TBC1D16: variants seen among roughly 807,000 people sequenced by gnomAD.
TBC1D16 encodes the protein CTD-2529O21.1.
TBC1D16 carries 58 observed loss-of-function variants against 74.7 expected under a neutral mutation model. The ratio of observed to expected loss-of-function variants is 0.78; its 90% confidence interval spans 0.63 to 0.97. TBC1D16 has a LOEUF of 0.97. Ranked by LOEUF, TBC1D16 falls within the 50% of genes least tolerant of loss-of-function variation. The probability of loss-of-function intolerance (pLI) is 0.00; values close to 1 mark genes in which losing one functional copy is unlikely to be tolerated. For missense variants in TBC1D16, 1,014 were observed against 1,079.5 expected (o/e 0.94, Z 0.85); for synonymous variants, 493 against 474.7 (o/e 1.04, Z -0.50).
Position 79,950,014 on chromosome 17 carries a change from G to T in TBC1D16, c.1258-149C>A. On this transcript the variant is annotated intron_variant, in intron 6 of 11. Transcript: ENST00000310924. This position sits in a 1 kb window ranked among gnomAD's most constrained non-coding sequence, Gnocchi z 4.6. ...ACATATTTACAAGGGGAAAGCAGTGGCCTTCAATTCCCATACAGGACACAA... is the reference window on the plus strand; with the variant it reads ...ACATATTTACAAGGGGAAAGCAGTGTCCTTCAATTCCCATACAGGACACAA... 1 of 1,051,806 alleles carries T rather than the reference G, an allele frequency of 9.5e-7. No individual in the cohort carries two copies. Among genetic ancestry groups the T allele is most frequent in the Non-Finnish European group, 1.4e-6 (1 of 739,680 alleles). The allele number at this position is 1,051,806 out of a possible 1,614,324, so 65.2% of individuals were successfully genotyped here.
At chr17:79,957,465 G>A (rs1185103610) in intron 3 of TBC1D16, among the ~76,000 whole-genome samples, 1 of 152,314 alleles carries the variant, frequency 6.6e-6, no homozygotes, top group Admixed American at 6.5e-5. Flanking sequence ...GCTGCACCCT[G>A]TGGGATTCCA....
At chr17:79,967,291 A>G (rs1348551560) in intron 3 of TBC1D16, among the ~76,000 whole-genome samples, 2 of 152,182 alleles carry the variant, frequency 1.3e-5, no homozygotes, top group African/African-American at 4.8e-5. Flanking sequence ...AATTTTAAAA[A>G]GGAAAAGGAA....
At chr17:79,962,251 G>T (rs956998992) in intron 3 of TBC1D16, among the ~76,000 whole-genome samples, 6 of 105,954 alleles carry the variant, frequency 5.7e-5, no homozygotes, top group African/African-American at 2.2e-4. Context: ...ATCTCACTCT[G>T]TTGGCCAGGC....
At chr17:79,999,533 CTTTTTTTTT>C (rs71163906) in intron 3 of TBC1D16, among the ~76,000 whole-genome samples, 3 of 76,460 alleles carry the variant, frequency 3.9e-5, no homozygotes, top group African/African-American at 1.1e-4. Context: ...CCCCAAATTT[CTTTTTTTTT>C]TTTTTTTTTT....
chr17:79,999,638 G>A lies in TBC1D16; in HGVS notation c.779+10522C>T, dbSNP rs113278282. Among the ~76,000 whole-genome samples, 606 of 124,416 alleles carry A rather than the reference G, an allele frequency of 4.9e-3. 6 individuals are homozygous for A. The highest frequency in any genetic ancestry group is 0.015 in the African/African-American group (581 of 38,042). 81.6% of individuals were successfully genotyped at this position (124,416 alleles called of 152,430 possible). A position where few individuals can be genotyped will look rare whatever the true frequency, so the allele number is the denominator to read the frequency against. Reference sequence around the variant, plus strand: ...GCTCACTGCAACCTCCGCTTCCTGGGTTCAAGTGATTCTCCTGCCTCAGCC... The same window carrying A: ...GCTCACTGCAACCTCCGCTTCCTGGATTCAAGTGATTCTCCTGCCTCAGCC... On this transcript the variant is annotated intron_variant, in intron 3 of 11. Transcript: ENST00000310924.
At chr17:79,942,474 G>A (rs72847461) in intron 10 of TBC1D16, among the ~76,000 whole-genome samples, 21,433 of 151,050 alleles carry the variant, frequency 0.14, 1,989 homozygotes, top group East Asian at 0.45. Flanking sequence ...CAGCCCCCAC[G>A]GGCTGCTGCT....
chr17:79,958,215 A>C (rs1394725752), intron 3 of TBC1D16, among the ~76,000 whole-genome samples: 1 of 140,328 alleles, frequency 7.1e-6, no homozygotes, highest in Non-Finnish European at 1.5e-5. Flanking sequence ...TAAACTGACC[A>C]ATTTTTTTTT....
rs1225532859 is a variant in TBC1D16 at position 79,951,510 on chromosome 17, G to T, written c.1029C>A (p.Asp343Glu). ...KVFHFHHGGL[D>E]KLSDVFQQWK... Reference sequence around the variant, plus strand: ...ACTGCTGGAACACGTCAGACAGCTTGTCCAGGCCGCCGTGGTGGAAGTGGA... The same window carrying T: ...ACTGCTGGAACACGTCAGACAGCTTTTCCAGGCCGCCGTGGTGGAAGTGGA... Residue 343 changes from aspartate to glutamate, a missense_variant, in exon 5 of 12, where the codon GAC (aspartate) becomes GAA (glutamate). By Grantham distance (45) the Asp-to-Glu change is conservative (BLOSUM62 2). Coordinates refer to ENST00000310924, the MANE Select transcript of TBC1D16 (RefSeq NM_019020.4). 1.9e-6 allele frequency: 3 copies of T among 1,614,098 alleles called. No individual in the cohort carries two copies. The highest frequency in any genetic ancestry group is 2.2e-5 in the South Asian group (2 of 91,078).
rs1214520571 is a variant in TBC1D16 at position 79,940,854 on chromosome 17, C to T, written c.*5G>A. Reference sequence around the variant, plus strand: ...TCAACCCCTGTCCGGTGTCGGGGGCCCGACCTATCTGCGGAAGCCGAAGCC... The same window carrying T: ...TCAACCCCTGTCCGGTGTCGGGGGCTCGACCTATCTGCGGAAGCCGAAGCC... On this transcript the variant is annotated 3_prime_UTR_variant, in exon 12 of 12. Coordinates refer to ENST00000310924, the MANE Select transcript of TBC1D16 (RefSeq NM_019020.4). The surrounding 1 kb of genome is among the most constrained non-coding windows in gnomAD (Gnocchi z 5.4). The T allele has an allele frequency of 9.1e-6, 14 of 1,533,400 alleles. No individual in the cohort carries two copies. The highest frequency in any genetic ancestry group is 2.3e-5 in the East Asian group (1 of 43,304). 95.0% of individuals were successfully genotyped at this position (1,533,400 alleles called of 1,614,324 possible).
chr17:79,973,620 G>T (rs566609653), intron 3 of TBC1D16, among the ~76,000 whole-genome samples: 1 of 151,466 alleles, frequency 6.6e-6, no homozygotes, highest in Non-Finnish European at 1.5e-5. Context: ...TGAGGCAGAA[G>T]AATGGCATGA....
chr17:79,975,691 G>A lies in TBC1D16; in HGVS notation c.780-22873C>T, dbSNP rs2034302699. 6.6e-6 allele frequency among the ~76,000 whole-genome samples: 1 copy of A among 152,180 alleles called. No individual in the cohort carries two copies. Among genetic ancestry groups the A allele is most frequent in the Non-Finnish European group, 1.5e-5 (1 of 68,036 alleles). ...TTTTTCCTCCAGTTTGCAACCAACT[G>A]TGCACAGCTTCGGGACCCCCAGCCA... is the stretch of plus-strand genomic sequence containing the variant. On this transcript the variant is annotated intron_variant, in intron 3 of 11. Transcript: ENST00000310924. The surrounding 1 kb of genome is among the most constrained non-coding windows in gnomAD (Gnocchi z 4.5).
chr17:79,970,714 G>C (rs2034052817), intron 3 of TBC1D16, among the ~76,000 whole-genome samples: 1 of 152,202 alleles, frequency 6.6e-6, no homozygotes, highest in Non-Finnish European at 1.5e-5. Flanking sequence ...CCACTCTAGA[G>C]AGGTGGACCT....
chr17:79,950,614 T>G lies in TBC1D16; in HGVS notation c.1090-36A>C. On this transcript the variant is annotated intron_variant, in intron 5 of 11. Coordinates refer to ENST00000310924, the MANE Select transcript of TBC1D16 (RefSeq NM_019020.4). This position sits in a 1 kb window ranked among gnomAD's most constrained non-coding sequence, Gnocchi z 4.6. ...GGAAAACTGGGCAAAGGTCAGGATC[T>G]CAGCCGCGCGGCTTCAGAGGCCAGC... 6.2e-7 allele frequency: 1 copy of G among 1,600,500 alleles called. No individual in the cohort carries two copies.
At chr17:79,995,702 G>A (rs912364337) in intron 3 of TBC1D16, among the ~76,000 whole-genome samples, 14 of 151,576 alleles carry the variant, frequency 9.2e-5, no homozygotes, top group Admixed American at 5.3e-4. Context: ...GGAGAATGGC[G>A]TGAATCTGGG....
Position 79,981,369 on chromosome 17 carries a change from G to A in TBC1D16, c.780-28551C>T, listed in dbSNP as rs2034572636. ...ATGTTCTTAGACCCTCCATCTGCCC[G>A]GGCCCTGCTGGGAGAAGGCCTCGGG... is the stretch of plus-strand genomic sequence containing the variant. On this transcript the variant is annotated intron_variant, in intron 3 of 11. Transcript: ENST00000310924. The surrounding 1 kb of genome is among the most constrained non-coding windows in gnomAD (Gnocchi z 6.9). Among the ~76,000 whole-genome samples, 1 of 152,112 alleles carries A rather than the reference G, an allele frequency of 6.6e-6. No individual in the cohort carries two copies. The highest frequency in any genetic ancestry group is 2.1e-4 in the South Asian group (1 of 4,814).
At position 79,942,213 on chromosome 17, in the gene TBC1D16, A is replaced by G. The variant is rs767783447; in HGVS notation, c.1909-7T>C. On this transcript the variant is annotated splice_region_variant and splice_polypyrimidine_tract_variant and intron_variant, in intron 10 of 11. Coordinates refer to ENST00000310924, the MANE Select transcript of TBC1D16 (RefSeq NM_019020.4). Reference sequence around the variant, plus strand: ...AAAGGTGGAAGTAGTCCGTCTGTGGAGGCGGGTAGAGTTCAGACACGGGCT... The same window carrying G: ...AAAGGTGGAAGTAGTCCGTCTGTGGGGGCGGGTAGAGTTCAGACACGGGCT... The G allele has an allele frequency of 6.3e-7, 1 of 1,582,910 alleles. No homozygotes were observed. Among genetic ancestry groups the G allele is most frequent in the South Asian group, 1.1e-5 (1 of 87,220 alleles).
In TBC1D16 at chr17:79,967,298, G is replaced by T. The variant is rs75443046; in HGVS notation, c.780-14480C>A. 7.7e-3 allele frequency among the ~76,000 whole-genome samples: 1,166 copies of T among 151,990 alleles called. 6 individuals are homozygous for T. The highest frequency in any genetic ancestry group is 0.011 in the Non-Finnish European group (781 of 67,966). ...AGAAATAAAATTTTAAAAAGGAAAA[G>T]GAAGAAGATTGGAAAAAAAGGAGTA... On this transcript the variant is annotated intron_variant, in intron 3 of 11. Transcript: ENST00000310924.
intron 1 of TBC1D16, among the ~76,000 whole-genome samples, chr17:80,014,893 G>A (rs982465666): frequency 6.6e-6 from 1 of 152,178 alleles, no homozygotes; most frequent in African/African-American, 2.4e-5. Flanking sequence ...ACATTCATGT[G>A]GGTAAGACGA....
chr17:80,025,357 G>A (rs1219273130), intron 1 of TBC1D16, among the ~76,000 whole-genome samples: 1 of 150,046 alleles, frequency 6.7e-6, no homozygotes, highest in African/African-American at 2.5e-5. Flanking sequence ...CGGGGCCGCA[G>A]GAGCCTCCCT....
Sources: allele counts gnomAD v4.1 joint callset (sites outside exome capture counted in the v4.1 genomes callset), GRCh38; gene constraint gnomAD v4.1.1; non-coding constraint Gnocchi (gnomAD v3.1); transcripts MANE v1.5; gene names NCBI Gene and HGNC (gene_info 2026-07-23, HGNC 2026-07-21).